RARB: variants seen among roughly 807,000 people sequenced by gnomAD.
The protein encoded by RARB is HBV-activated protein.
Under a neutral mutation model 51.9 loss-of-function variants are expected in RARB, and 17 were observed. The observed-to-expected ratio is 0.33, with a 90% CI of 0.22 to 0.49. The LOEUF (loss-of-function observed/expected upper bound fraction) is 0.49. RARB is among the 20% of genes least tolerant of loss of function. RARB has a pLI of 0.99. For missense variants in RARB, 369 were observed against 550.8 expected, an observed-to-expected ratio of 0.67 and a Z score of 3.30; for synonymous variants, 215 against 195.4, an observed-to-expected ratio of 1.10 and a Z score of -0.84.
chr3:25,538,644 C>T (rs921179895), intron 3 of RARB, among the ~76,000 whole-genome samples: 1 of 152,168 alleles, frequency 6.6e-6, no homozygotes, highest in African/African-American at 2.4e-5. Flanking sequence ...TTTCATTTTT[C>T]TAGTAGTTCA....
chr3:25,561,972 G>T (rs1700288281), intron 3 of RARB, among the ~76,000 whole-genome samples: 1 of 152,114 alleles, frequency 6.6e-6, no homozygotes, highest in Non-Finnish European at 1.5e-5. Context: ...TTCCATGAAA[G>T]AAATATAAAG....
chr3:25,293,620 T>TAAAAAAAAAAAAAAAAAAAAA (rs1553601914), intron 5 of RARB, among the ~76,000 whole-genome samples: 2 of 45,214 alleles, frequency 4.4e-5, no homozygotes, highest in Non-Finnish European at 1.3e-4. Context: ...AAAAAAAAAG[T>TAAAAAAAAAAAAAAAAAAAAA]TCAGAGATAG....
chr3:25,320,573 A>C (rs1441233145), intron 5 of RARB, among the ~76,000 whole-genome samples: 1 of 152,152 alleles, frequency 6.6e-6, no homozygotes, highest in Non-Finnish European at 1.5e-5. Context: ...CTTGCATTTT[A>C]CTTTGTTCCT....
intron 2 of RARB, among the ~76,000 whole-genome samples, chr3:24,946,001 C>A (rs1490818459): frequency 6.6e-6 from 1 of 152,154 alleles, no homozygotes; most frequent in African/African-American, 2.4e-5. Flanking sequence ...CGCGGTGGCT[C>A]ACGCCTGTAA....
At chr3:25,234,153 T>A (rs1328446735) in intron 5 of RARB, among the ~76,000 whole-genome samples, 1 of 152,176 alleles carries the variant, frequency 6.6e-6, no homozygotes, top group Non-Finnish European at 1.5e-5. Context: ...CTTTCTTAAA[T>A]ATTTTCTAGA....
intron 5 of RARB, among the ~76,000 whole-genome samples, chr3:25,222,879 G>A (rs939696399): frequency 6.6e-6 from 1 of 152,070 alleles, no homozygotes; most frequent in Non-Finnish European, 1.5e-5. Flanking sequence ...CAAAGCTAAC[G>A]AAATTCAAGT....
At chr3:25,561,282 C>T (rs1700257920) in intron 3 of RARB, among the ~76,000 whole-genome samples, 1 of 152,118 alleles carries the variant, frequency 6.6e-6, no homozygotes, top group East Asian at 1.9e-4. Context: ...GCCTCAAATG[C>T]TGAATAGAGG....
chr3:25,423,675 C>T (rs1385544168), upstream of RARB, among the ~76,000 whole-genome samples: 1 of 152,022 alleles, frequency 6.6e-6, no homozygotes, highest in African/African-American at 2.4e-5. Context: ...GCATGTATTA[C>T]TTAAATCTAG....
At chr3:25,547,793 C>T (rs980733259) in intron 3 of RARB, among the ~76,000 whole-genome samples, 15 of 151,974 alleles carry the variant, frequency 9.9e-5, no homozygotes, top group African/African-American at 3.4e-4. Context: ...GGAGGATAGA[C>T]GGTGGGTGGA....
chr3:25,209,248 G>T (rs1351453981), intron 5 of RARB, among the ~76,000 whole-genome samples: 1 of 152,188 alleles, frequency 6.6e-6, no homozygotes, highest in Non-Finnish European at 1.5e-5. Context: ...AGATCCCTGG[G>T]ACCAGAGGAA....
chr3:25,125,086 C>G (rs1207324644), intron 3 of RARB, among the ~76,000 whole-genome samples: 1 of 152,080 alleles, frequency 6.6e-6, no homozygotes. Context: ...AACTATTAGA[C>G]CAGCTTAGAT....
rs1379746612 is a variant in RARB, at chr3:25,106,469, TTTTG to T, written c.-327-25688_-327-25685del. ...GTTTTTTGTTTTTTGTTTTTTTTTG[TTTTG>T]TTTTTTTTTTGTAGAGACAGGGTTT... On this transcript the variant is annotated intron_variant, in intron 3 of 11. Coordinates refer to the RARB transcript ENST00000383772. Among the ~76,000 whole-genome samples the T allele has an allele frequency of 2.2e-4, 27 of 120,030 alleles. 1 individual carries two copies. Among genetic ancestry groups the T allele is most frequent in the Non-Finnish European group, 3.0e-4 (18 of 59,148 alleles). The allele number at this position is 120,030 out of a possible 152,430, so 78.7% of individuals were successfully genotyped here.
chr3:24,985,941 A>G (rs182090649), intron 2 of RARB, among the ~76,000 whole-genome samples: 1 of 152,334 alleles, frequency 6.6e-6, no homozygotes, highest in Admixed American at 6.5e-5. Context: ...TAAACTAAGA[A>G]CAGAGACTTA....
intron 5 of RARB, among the ~76,000 whole-genome samples, chr3:25,391,314 G>A (rs547262707): frequency 6.6e-6 from 1 of 152,022 alleles, no homozygotes; most frequent in South Asian, 2.1e-4. Context: ...ATTTGGGCTG[G>A]TTCCATATTT....
chr3:25,016,843 A>T (rs1000106946), intron 2 of RARB, among the ~76,000 whole-genome samples: 1 of 152,138 alleles, frequency 6.6e-6, no homozygotes, highest in Non-Finnish European at 1.5e-5. Flanking sequence ...ACTTACAAGA[A>T]CAAACACCGG....
chr3:24,844,109 G>A (rs1009571001), intron 1 of RARB, among the ~76,000 whole-genome samples: 14 of 152,132 alleles, frequency 9.2e-5, no homozygotes, highest in Admixed American at 7.2e-4. Context: ...GCAGATGCAC[G>A]GCAGCCCTAG....
At chr3:24,895,926 G>C (rs1311641734) in intron 2 of RARB, among the ~76,000 whole-genome samples, 2 of 152,102 alleles carry the variant, frequency 1.3e-5, no homozygotes. Context: ...GTTTATTGCA[G>C]CATTATTCAC....
At chr3:25,484,911 T>C (rs1696387127) in intron 2 of RARB, among the ~76,000 whole-genome samples, 1 of 152,190 alleles carries the variant, frequency 6.6e-6, no homozygotes, top group Non-Finnish European at 1.5e-5. Flanking sequence ...AAAACATGAC[T>C]TTTCATTTTT....
chr3:25,327,483 T>C (rs1369672991), intron 5 of RARB, among the ~76,000 whole-genome samples: 1 of 152,186 alleles, frequency 6.6e-6, no homozygotes, highest in Non-Finnish European at 1.5e-5. Flanking sequence ...ATTTTTATAA[T>C]TCTGAGAGAA....
Sources: allele counts gnomAD v4.1 joint callset (sites outside exome capture counted in the v4.1 genomes callset), GRCh38; gene constraint gnomAD v4.1.1; transcripts MANE v1.5; gene names NCBI Gene and HGNC (gene_info 2026-07-23, HGNC 2026-07-21).